MTCH1: variants seen among roughly 807,000 people sequenced by gnomAD.
MTCH1 encodes mitochondrial carrier 1, also known as mitochondrial carrier homolog 1.
In MTCH1, 23 loss-of-function variants were observed where a neutral mutation model predicts 49.3. That is an observed-to-expected ratio of 0.47 (90% CI 0.34 to 0.66). MTCH1 has a LOEUF of 0.66. Ranked by LOEUF, MTCH1 falls within the 30% of genes least tolerant of loss-of-function variation. The pLI is 0.01. For synonymous variants in MTCH1, 229 were observed against 215.2 expected, an observed-to-expected ratio of 1.06 and a Z score of -0.56; for missense variants, 397 against 532.1, an observed-to-expected ratio of 0.75 and a Z score of 2.50.
chr6:36,972,625 G>A lies in MTCH1; in HGVS notation c.906+27C>T, dbSNP rs1763722373. 1 of 1,538,014 alleles carries A rather than the reference G, an allele frequency of 6.5e-7. No homozygotes were observed. The highest frequency in any genetic ancestry group is 8.8e-7 in the Non-Finnish European group (1 of 1,136,188). ...CCTGGGCATCAGCAGCACACGGAAAGAAGGACAAGTCCTTGTTCCAACCAA... is the reference window on the plus strand; with the variant it reads ...CCTGGGCATCAGCAGCACACGGAAAAAAGGACAAGTCCTTGTTCCAACCAA... On this transcript the variant is annotated intron_variant, in intron 8 of 11. Coordinates refer to ENST00000373627, the MANE Select transcript of MTCH1 (RefSeq NM_001271641.2). This position sits in a 1 kb window ranked among gnomAD's most constrained non-coding sequence, Gnocchi z 4.1.
chr6:36,970,991 C>G (rs141034220), intron 8 of MTCH1: 471 of 482,120 alleles, frequency 9.8e-4, no homozygotes, highest in South Asian at 1.4e-3. Flanking sequence ...GATCAACATC[C>G]AGGGCTTGGC....
chr6:36,975,475 C>T (rs1384144022), intron 7 of MTCH1, among the ~76,000 whole-genome samples, 183 bp downstream of exon 7: 1 of 152,238 alleles, frequency 6.6e-6, no homozygotes, highest in Non-Finnish European at 1.5e-5. Context: ...TGAGCCATGG[C>T]CTGAAAAGGG....
At chr6:36,979,768 G>A (rs1764023076) in intron 2 of MTCH1, among the ~76,000 whole-genome samples, 1 of 152,116 alleles carries the variant, frequency 6.6e-6, no homozygotes, top group South Asian at 2.1e-4. Flanking sequence ...AGTGAGGAGA[G>A]GGAGCCTCAG....
upstream of MTCH1, chr6:36,986,447 C>G (rs1051156378): frequency 6.3e-6 from 2 of 317,802 alleles, no homozygotes; most frequent in Non-Finnish European, 1.1e-5. Context: ...CCCGGGATGC[C>G]CAGAGCACGC....
chr6:36,977,540 C>G lies in MTCH1; in HGVS notation c.649+94G>C. The G allele has an allele frequency of 1.2e-6, 1 of 855,660 alleles. No homozygotes were observed. Among genetic ancestry groups the G allele is most frequent in the Non-Finnish European group, 1.9e-6 (1 of 531,656 alleles). The allele number at this position is 855,660 out of a possible 1,614,324, so 53.0% of individuals were successfully genotyped here. On this transcript the variant is annotated intron_variant, in intron 5 of 11. Transcript: ENST00000373627. The surrounding 1 kb of genome is among the most constrained non-coding windows in gnomAD (Gnocchi z 5.4). ...CCACTACCACTTCCCAACAGGTCTACGGCTGTCTATGTACAGTCCACGAGG... is the reference window on the plus strand; with the variant it reads ...CCACTACCACTTCCCAACAGGTCTAGGGCTGTCTATGTACAGTCCACGAGG...
intron 6 of MTCH1, among the ~76,000 whole-genome samples, 189 bp from the exon 7 acceptor site, chr6:36,975,906 C>T (rs559849477): frequency 1.3e-5 from 2 of 152,282 alleles, no homozygotes; most frequent in South Asian, 4.1e-4. Context: ...GAGGAGTTTA[C>T]ACAGTTCATG....
chr6:36,978,521 C>T lies in MTCH1; in HGVS notation c.497G>A (p.Arg166Gln). The change falls in exon 3 of 12, where the codon CGG becomes CAG. Residue 166 changes from arginine to glutamine, a missense_variant. By Grantham distance (43) the Arg-to-Gln change is conservative. Transcript: ENST00000373627. ...TGGGCTCACCTTCTTCATGCTACCC[C>T]GAGTCACAGTAGAGAGGGCGTTGGA... ...LMSNALSTVT[R>Q]GSMKKVFPPD... The T allele has an allele frequency of 2.5e-6, 4 of 1,614,092 alleles. No homozygotes were observed. The highest frequency in any genetic ancestry group is 1.1e-5 in the South Asian group (1 of 91,078).
rs369599321 is a variant in MTCH1, at chr6:36,968,982, A to C, written c.1099-8T>G. 1,042 of 1,613,768 alleles carry C rather than the reference A, an allele frequency of 6.5e-4. 3 individuals are homozygous for C. The highest frequency in any genetic ancestry group is 8.1e-4 in the Non-Finnish European group (951 of 1,179,878). Reference sequence around the variant, plus strand: ...GCCTCGGAAGAGCTGGCCCTGGACCAGAAGGAAAAGTAAGGTGAGTGAAAG... The same window carrying C: ...GCCTCGGAAGAGCTGGCCCTGGACCCGAAGGAAAAGTAAGGTGAGTGAAAG... On this transcript the variant is annotated splice_region_variant and splice_polypyrimidine_tract_variant and intron_variant, in intron 11 of 11. Transcript: ENST00000373627.
Position 36,968,678 on chromosome 6 carries a change from C to A in MTCH1, c.*225G>T, listed in dbSNP as rs1763563335. On this transcript the variant is annotated 3_prime_UTR_variant, in exon 12 of 12. Coordinates refer to ENST00000373627, the MANE Select transcript of MTCH1 (RefSeq NM_001271641.2). The stretch of plus-strand genomic sequence containing the variant: ...GGGATTCTGCCAACTCCCCACCTCG[C>A]CTCACCTTCCCTAGGTCTGCCGGGT... 1.5e-6 allele frequency: 1 copy of A among 682,952 alleles called. No homozygotes were observed. Among genetic ancestry groups the A allele is most frequent in the African/African-American group, 1.8e-5 (1 of 56,132 alleles). 42.3% of individuals were successfully genotyped at this position (682,952 alleles called of 1,614,324 possible).
intron 1 of MTCH1, 78 bp downstream of exon 1, chr6:36,985,775 C>A: frequency 7.1e-7 from 1 of 1,415,560 alleles, no homozygotes; most frequent in Non-Finnish European, 9.4e-7. Context: ...CATTGACTGC[C>A]CGCCCCAATC....
rs540813334 is a variant in MTCH1, at chr6:36,972,319, G to A, written c.906+333C>T. ...TAAAAAGCAAAAGACGTGACACAAA[G>A]GTCAAGAGGTGATCACTATTAGCTG... On this transcript the variant is annotated intron_variant, in intron 8 of 11. Transcript: ENST00000373627. The surrounding 1 kb of genome is among the most constrained non-coding windows in gnomAD (Gnocchi z 4.1). Among the ~76,000 whole-genome samples, 35 of 152,174 alleles carry A rather than the reference G, an allele frequency of 2.3e-4. No homozygotes were observed. The highest frequency in any genetic ancestry group is 4.1e-4 in the Non-Finnish European group (28 of 68,026).
In MTCH1 at chr6:36,973,843, G is replaced by A. The variant is rs548289596; in HGVS notation, c.762-1047C>T. 7.2e-5 allele frequency among the ~76,000 whole-genome samples: 11 copies of A among 152,358 alleles called. No homozygotes were observed. In the South Asian group the frequency reaches 1.0e-3, roughly 14 times the overall value. On this transcript the variant is annotated intron_variant, in intron 7 of 11. Transcript: ENST00000373627. ...TAGAGCAGCCATTGGCTGGGGTCCC[G>A]GGGCTGCCCCTTTGGCAGGGCACAT...
rs1764300911 is a variant in MTCH1, at chr6:36,986,037, G to T, written c.137C>A (p.Ala46Glu). The T allele has an allele frequency of 6.7e-7, 1 of 1,494,262 alleles. No homozygotes were observed. Among genetic ancestry groups the T allele is most frequent in the Non-Finnish European group, 8.9e-7 (1 of 1,128,546 alleles). The allele number at this position is 1,494,262 out of a possible 1,614,324, so 92.6% of individuals were successfully genotyped here. Reference sequence around the variant, plus strand: ...AGGGTGGCGAGGATGTGCGCGGTGCGCGGGCGGTGGATCGCGAGCTCGAGC... The same window carrying T: ...AGGGTGGCGAGGATGTGCGCGGTGCTCGGGCGGTGGATCGCGAGCTCGAGC... ...VEARARDPPP[A>E]HRAHPRHPRP... Residue 46 changes from alanine (A) to glutamate (E), a missense_variant, in exon 1 of 12, where the codon GCG becomes GAG. By Grantham distance (107) the Ala-to-Glu change is moderately radical. Around this residue, in one of 2 missense-constraint regions of MTCH1, gnomAD observed 145 missense variants for 143.8 expected, o/e 1.01. Transcript: ENST00000373627.
chr6:36,975,132 G>T (rs1238614431), intron 7 of MTCH1, among the ~76,000 whole-genome samples: 2 of 152,194 alleles, frequency 1.3e-5, no homozygotes, highest in African/African-American at 4.8e-5. Context: ...TCTACAGAAA[G>T]AACCGCTCAG....
At chr6:36,973,984 A>C (rs912354353) in intron 7 of MTCH1, among the ~76,000 whole-genome samples, 6 of 152,254 alleles carry the variant, frequency 3.9e-5, no homozygotes, top group African/African-American at 1.4e-4. Flanking sequence ...GCACAGACAG[A>C]ACCCAGAAGC....
Position 36,968,701 on chromosome 6 carries a change from G to T in MTCH1, c.*202C>A. On this transcript the variant is annotated 3_prime_UTR_variant, in exon 12 of 12. Coordinates refer to ENST00000373627, the MANE Select transcript of MTCH1 (RefSeq NM_001271641.2). ...CGCCTCACCTTCCCTAGGTCTGCCG[G>T]GTGACCCAATCCACTGGGTGCAGCC... The T allele has an allele frequency of 1.2e-6, 1 of 807,034 alleles. No individual in the cohort carries two copies. Among genetic ancestry groups the T allele is most frequent in the Non-Finnish European group, 2.1e-6 (1 of 482,318 alleles). 50.0% of individuals were successfully genotyped at this position (807,034 alleles called of 1,614,324 possible).
At chr6:36,970,811 C>T (rs567667705) in intron 8 of MTCH1, 117 bp from the exon 9 acceptor site, 7 of 1,142,210 alleles carry the variant, frequency 6.1e-6, no homozygotes, top group South Asian at 2.7e-5. Flanking sequence ...GCTGCACATG[C>T]CTTTCCTGTC....
chr6:36,982,380 A>AT lies in MTCH1; in HGVS notation c.322-709dup, dbSNP rs1409764416. On this transcript the variant is annotated intron_variant, in intron 1 of 11. Transcript: ENST00000373627. The surrounding 1 kb of genome is among the most constrained non-coding windows in gnomAD (Gnocchi z 4.1). Reference sequence around the variant, plus strand: ...CTTCTTATATCTGAAATATTTATTTATTTATTTTTTTTTTTGAGATGGAGT... The same window carrying AT: ...CTTCTTATATCTGAAATATTTATTTATTTTATTTTTTTTTTTGAGATGGAGT... 6.3e-3 allele frequency among the ~76,000 whole-genome samples: 956 copies of AT among 151,166 alleles called. 17 individuals carry two copies. The highest frequency in any genetic ancestry group is 0.021 in the African/African-American group (847 of 40,906).
rs1412324166 is a variant in MTCH1, at chr6:36,972,799, A to G, written c.762-3T>C. The G allele has an allele frequency of 1.9e-6, 3 of 1,547,588 alleles. No homozygotes were observed. The highest frequency in any genetic ancestry group is 2.0e-5 in the Admixed American group (1 of 50,934). ...CCAGGAGGTGAGGGATTAATCCACT[A>G]AAAAACAAGGTAAGCAGAGATGAGC... On this transcript the variant is annotated splice_polypyrimidine_tract_variant and splice_region_variant and intron_variant, in intron 7 of 11. Transcript: ENST00000373627. The surrounding 1 kb of genome is among the most constrained non-coding windows in gnomAD (Gnocchi z 4.1).
Sources: gnomAD v4.1 joint callset for allele counts (sites outside exome capture counted in the v4.1 genomes callset) on GRCh38, gnomAD v4.1.1 for gene constraint, gnomAD v4.1.1 regional missense constraint, Gnocchi (gnomAD v3.1) non-coding constraint, MANE v1.5 for transcripts, NCBI Gene and HGNC (gene_info 2026-07-23, HGNC 2026-07-21) for gene names.